Variants in HTR3E observed in about 807,000 individuals in gnomAD.
HTR3E encodes the protein 5-hydroxytryptamine receptor 3E, also known as 5-hydroxytryptamine (serotonin) receptor 3, family member E.
Under a neutral mutation model 38.0 loss-of-function variants are expected in HTR3E, and 38 were observed. The ratio of observed to expected loss-of-function variants is 1.00; its 90% CI spans 0.77 to 1.31. HTR3E has a LOEUF of 1.31. HTR3E is among the 50% of genes most tolerant of loss of function. HTR3E has a pLI of 0.00. For synonymous variants in HTR3E, 210 were observed against 232.9 expected, an observed-to-expected ratio of 0.90 and a Z score of 0.89; for missense variants, 547 against 585.2, an observed-to-expected ratio of 0.93 and a Z score of 0.67.
rs200919072 is a variant in HTR3E at position 184,106,272 on chromosome 3, C to A, written c.1070C>A (p.Pro357Gln). 47 of 1,612,758 alleles carry A rather than the reference C, an allele frequency of 2.9e-5. 1 individual carries two copies. The South Asian group carries it at 4.5e-4, about 15-fold the overall frequency. ...LHSLLLHCNS[P>Q]GRCCPTAPQK... Reference sequence around the variant, plus strand: ...TCCCTGCTGCTCCACTGCAACAGCCCGGGGAGATGCTGTCCCACTGCGCCC... The same window carrying A: ...TCCCTGCTGCTCCACTGCAACAGCCAGGGGAGATGCTGTCCCACTGCGCCC... The change falls in exon 8 of 9, where the codon CCG (proline) becomes CAG (glutamine). Residue 357 changes from proline (P) to glutamine (Q), a missense_variant. Coordinates refer to ENST00000415389, the MANE Select transcript of HTR3E (RefSeq NM_001256613.2). The surrounding 1 kb of genome is among the most constrained non-coding windows in gnomAD (Gnocchi z 4.1).
At chr3:184,102,629 TAAA>T (rs992607621) in intron 3 of HTR3E, among the ~76,000 whole-genome samples, 1 of 121,088 alleles carries the variant, frequency 8.3e-6, no homozygotes, top group African/African-American at 3.0e-5. Flanking sequence ...TTAAAGTATA[TAAA>T]AAAAAAAAAA....
intron 1 of HTR3E, among the ~76,000 whole-genome samples, chr3:184,098,733 A>G (rs528288701): frequency 6.6e-6 from 1 of 152,338 alleles, no homozygotes; most frequent in South Asian, 2.1e-4. Flanking sequence ...AGAAAATTTA[A>G]AAATTTATTA....
At chr3:184,101,175 C>G (rs1009502902) in intron 2 of HTR3E, among the ~76,000 whole-genome samples, 5 of 152,172 alleles carry the variant, frequency 3.3e-5, no homozygotes, top group Non-Finnish European at 5.9e-5. Flanking sequence ...AACTCCTGAC[C>G]TCAAGTGATC....
chr3:184,098,210 A>T (rs1180582312), intron 1 of HTR3E, among the ~76,000 whole-genome samples: 2 of 152,222 alleles, frequency 1.3e-5, no homozygotes, highest in African/African-American at 4.8e-5. Flanking sequence ...ATTTGGAGAC[A>T]GGTGGACCTG....
At chr3:184,097,833 T>C (rs917450952) in intron 1 of HTR3E, among the ~76,000 whole-genome samples, 4 of 151,954 alleles carry the variant, frequency 2.6e-5, no homozygotes, top group Non-Finnish European at 5.9e-5. Context: ...AAAAATAGAG[T>C]TCAACACCAG....
chr3:184,099,661 C>T (rs1465171874), intron 1 of HTR3E, among the ~76,000 whole-genome samples: 2 of 130,264 alleles, frequency 1.5e-5, no homozygotes, highest in South Asian at 4.6e-4. Flanking sequence ...TTGCAGTGAG[C>T]CGAGATTGCG....
In HTR3E at chr3:184,104,868, G is replaced by A; in HGVS notation, c.471G>A (p.Lys157=). The change falls in exon 5 of 9, where the codon AAG becomes AAA. Residue 157 remains lysine, a synonymous_variant. Coordinates refer to ENST00000415389, the MANE Select transcript of HTR3E (RefSeq NM_001256613.2). Reference sequence around the variant, plus strand: ...GCATCAGGTATAAGAAACCCATGAAGGTGGACAGTATCTGTAACCTGGACA... The same window carrying A: ...GCATCAGGTATAAGAAACCCATGAAAGTGGACAGTATCTGTAACCTGGACA... ...EGRIRYKKPM[K]VDSICNLDIF... is the part of the protein sequence containing the mutation. The A allele has an allele frequency of 6.2e-7, 1 of 1,614,140 alleles. No individual in the cohort carries two copies. Among genetic ancestry groups the A allele is most frequent in the Non-Finnish European group, 8.5e-7 (1 of 1,179,990 alleles).
rs539963978 is a variant in HTR3E at position 184,104,707 on chromosome 3, A to T, written c.390-80A>T. ...ACTCCAGCCTGGGTGACAGAGCAAGATCCTGTCTCAAAAAAAAAAAAAAAA... is the reference window on the plus strand; with the variant it reads ...ACTCCAGCCTGGGTGACAGAGCAAGTTCCTGTCTCAAAAAAAAAAAAAAAA... On this transcript the variant is annotated intron_variant, in intron 4 of 8. Coordinates refer to ENST00000415389, the MANE Select transcript of HTR3E (RefSeq NM_001256613.2). The T allele has an allele frequency of 7.8e-6, 10 of 1,278,814 alleles. No homozygotes were observed. The South Asian group carries it at 1.2e-4, about 15-fold the overall frequency. 79.2% of individuals were successfully genotyped at this position (1,278,814 alleles called of 1,614,324 possible).
chr3:184,105,686 A>C, intron 6 of HTR3E, 79 bp from the exon 7 acceptor site: 3 of 1,245,172 alleles, frequency 2.4e-6, no homozygotes, highest in Non-Finnish European at 3.5e-6. Context: ...AGGCAGAGAC[A>C]GAAATTGTCA....
Position 184,097,558 on chromosome 3 carries a change from G to C in HTR3E, c.29G>C (p.Arg10Thr). 2 of 1,536,010 alleles carry C rather than the reference G, an allele frequency of 1.3e-6. No homozygotes were observed. Among genetic ancestry groups the C allele is most frequent in the Non-Finnish European group, 1.7e-6 (2 of 1,146,792 alleles). The change falls in exon 1 of 9, where the codon AGA becomes ACA. Residue 10 changes from arginine (R) to threonine (T), a missense_variant. By Grantham distance (71) the Arg-to-Thr change is moderately conservative. Coordinates refer to ENST00000415389, the MANE Select transcript of HTR3E (RefSeq NM_001256613.2). ...GAAGGAAGCTGGTTCCACAGGAAAA[G>C]ATTTTCCTTCTACCTCCTTCTCGGT... MEGSWFHRK[R>T]FSFYLLLGFL... is the part of the protein sequence containing the mutation.
rs1712045504 is a variant in HTR3E, at chr3:184,101,547, T to C, written c.279+18T>C. ...TGGAAATGGTATGGACAACACTTTA[T>C]TCTCTCCCTACAGTTACAGTCAAAA... is the stretch of plus-strand genomic sequence containing the variant. On this transcript the variant is annotated intron_variant, in intron 3 of 8. Coordinates refer to ENST00000415389, the MANE Select transcript of HTR3E (RefSeq NM_001256613.2). 6.3e-7 allele frequency: 1 copy of C among 1,588,294 alleles called. No homozygotes were observed.
intron 3 of HTR3E, among the ~76,000 whole-genome samples, chr3:184,102,611 C>T (rs1712119734): frequency 6.6e-6 from 1 of 150,410 alleles, no homozygotes; most frequent in Non-Finnish European, 1.5e-5. Context: ...GCACATGTAC[C>T]CTAAAACTTA....
At chr3:184,100,133 T>C (rs1322608601) in intron 1 of HTR3E, 26 of 1,340,482 alleles carry the variant, frequency 1.9e-5, no homozygotes, top group Middle Eastern at 5.6e-4. Flanking sequence ...CTTCATCTCA[T>C]CCCTGGGGAC....
chr3:184,105,505 C>A, intron 6 of HTR3E, 78 bp downstream of exon 6: 1 of 1,476,374 alleles, frequency 6.8e-7, no homozygotes, highest in East Asian at 2.3e-5. Context: ...ATATGTATCT[C>A]CCAAGTTTCA....
intron 6 of HTR3E, 140 bp from the exon 7 acceptor site, chr3:184,105,625 G>T: frequency 1.1e-6 from 1 of 926,358 alleles, no homozygotes; most frequent in Admixed American, 2.3e-5. Context: ...AGATTCTAAA[G>T]CTGCATTCCC....
rs1712506755 is a variant in HTR3E at position 184,106,994 on chromosome 3, G to T, written c.*301G>T. ...CTTGCCCAATAAATAATTCTGCAGA[G>T]ATTTCTGGCTCTTTGTCAGGTCGTA... On this transcript the variant is annotated 3_prime_UTR_variant, in exon 9 of 9. Coordinates refer to ENST00000415389, the MANE Select transcript of HTR3E (RefSeq NM_001256613.2). This position sits in a 1 kb window ranked among gnomAD's most constrained non-coding sequence, Gnocchi z 4.1. 20 of 314,776 alleles carry T rather than the reference G, an allele frequency of 6.4e-5. No individual in the cohort carries two copies. The South Asian group carries it at 1.4e-3, about 22-fold the overall frequency. 19.5% of individuals were successfully genotyped at this position (314,776 alleles called of 1,614,324 possible). A position where few individuals can be genotyped will look rare whatever the true frequency, so the allele number is the denominator to read the frequency against.
rs202036764 is a variant in HTR3E at position 184,100,470 on chromosome 3, C to T, written c.68-15C>T. On this transcript the variant is annotated splice_polypyrimidine_tract_variant and intron_variant, in intron 1 of 8. Coordinates refer to ENST00000415389, the MANE Select transcript of HTR3E (RefSeq NM_001256613.2). ...GTTGCTCTCCTTCATCTCACACATTCGATGTCCACTACAGGAAGGGGCGTT... is the reference window on the plus strand; with the variant it reads ...GTTGCTCTCCTTCATCTCACACATTTGATGTCCACTACAGGAAGGGGCGTT... The T allele has an allele frequency of 6.2e-7, 1 of 1,614,160 alleles. No homozygotes were observed. The highest frequency in any genetic ancestry group is 8.5e-7 in the Non-Finnish European group (1 of 1,180,026).
chr3:184,101,133 G>A (rs554579309), intron 2 of HTR3E, among the ~76,000 whole-genome samples: 3 of 152,176 alleles, frequency 2.0e-5, no homozygotes, highest in East Asian at 1.9e-4. Context: ...TAGTAGAGAC[G>A]GAGTTTCACC....
Position 184,106,233 on chromosome 3 carries a change from C to T in HTR3E, c.1031C>T (p.Pro344Leu), listed in dbSNP as rs773711129. The T allele has an allele frequency of 2.5e-6, 4 of 1,612,960 alleles. No homozygotes were observed. The South Asian group carries it at 3.3e-5, about 13-fold the overall frequency. ...HVATTQPPPL[P>L]RWLHSLLLHC... ...GCCACCACCCAGCCCCCACCCCTGC[C>T]TCGGTGGCTCCACTCCCTGCTGCTC... The change falls in exon 8 of 9, where the codon CCT becomes CTT. Residue 344 changes from proline to leucine, a missense_variant. Coordinates refer to ENST00000415389, the MANE Select transcript of HTR3E (RefSeq NM_001256613.2). The surrounding 1 kb of genome is among the most constrained non-coding windows in gnomAD (Gnocchi z 4.1).
Sources: allele counts gnomAD v4.1 joint callset (sites outside exome capture counted in the v4.1 genomes callset), GRCh38; gene constraint gnomAD v4.1.1; non-coding constraint Gnocchi (gnomAD v3.1); transcripts MANE v1.5; gene names NCBI Gene and HGNC (gene_info 2026-07-23, HGNC 2026-07-21).